BMAL2: variants seen among roughly 807,000 people sequenced by gnomAD.
BMAL2 encodes basic helix-loop-helix ARNT-like protein 2.
At chr12:27,342,357 G>A in the BMAL2 span, among the ~76,000 whole-genome samples, 3 of 152,190 alleles carry the variant, frequency 2.0e-5, no homozygotes, top group Non-Finnish European at 4.4e-5. Flanking sequence ...AGAATATAGC[G>A]AGAATATGTT....
At chr12:27,358,741 C>A in the BMAL2 span, among the ~76,000 whole-genome samples, 1 of 152,058 alleles carries the variant, frequency 6.6e-6, no homozygotes, top group African/African-American at 2.4e-5. Context: ...TATCTATGCA[C>A]TTATACATGC....
At chr12:27,410,427 G>A in the BMAL2 span, among the ~76,000 whole-genome samples, 1 of 152,202 alleles carries the variant, frequency 6.6e-6, no homozygotes, top group African/African-American at 2.4e-5. Flanking sequence ...AAAAAATGAT[G>A]AGTTCATGTC....
At chr12:27,378,824 G>A in the BMAL2 span, among the ~76,000 whole-genome samples, 4 of 152,162 alleles carry the variant, frequency 2.6e-5, no homozygotes, top group Admixed American at 2.6e-4. Context: ...TGATGACAGA[G>A]GGGATGGAGA....
chr12:27,406,770 A>G, the BMAL2 span, among the ~76,000 whole-genome samples: 1 of 152,228 alleles, frequency 6.6e-6, no homozygotes, highest in Non-Finnish European at 1.5e-5. Context: ...AATGGGCTAA[A>G]TGCTCCAATT....
At chr12:27,408,127 G>T in the BMAL2 span, among the ~76,000 whole-genome samples, 1 of 152,058 alleles carries the variant, frequency 6.6e-6, no homozygotes, top group African/African-American at 2.4e-5. Context: ...AAAAAGTCCA[G>T]GACCAGATGG....
chr12:27,339,451 A>G, the BMAL2 span, among the ~76,000 whole-genome samples: 2 of 152,210 alleles, frequency 1.3e-5, no homozygotes, highest in East Asian at 3.8e-4. Flanking sequence ...AACAATTTAT[A>G]TTCCTTTGGA....
the BMAL2 span, among the ~76,000 whole-genome samples, chr12:27,408,236 A>C: frequency 0.022 from 3,388 of 152,190 alleles, 122 homozygotes; most frequent in African/African-American, 0.077. Context: ...CTCCCTAACT[A>C]ATTTTATGAG....
the BMAL2 span, among the ~76,000 whole-genome samples, chr12:27,397,021 A>G: frequency 1.3e-5 from 2 of 152,140 alleles, no homozygotes; most frequent in South Asian, 4.1e-4. Context: ...TTCAAATAGT[A>G]ATTAACCAGT....
the BMAL2 span, among the ~76,000 whole-genome samples, chr12:27,356,357 A>G: frequency 2.6e-5 from 4 of 152,296 alleles, no homozygotes; most frequent in East Asian, 5.8e-4. Context: ...CTAGGTAACT[A>G]CATTAGCTTC....
the BMAL2 span, among the ~76,000 whole-genome samples, chr12:27,346,670 T>C: frequency 6.6e-6 from 1 of 152,224 alleles, no homozygotes; most frequent in Admixed American, 6.5e-5. Context: ...TCCCATAGTC[T>C]GCTGTCAGAC....
chr12:27,373,378 A>G, the BMAL2 span, among the ~76,000 whole-genome samples: 12 of 152,292 alleles, frequency 7.9e-5, no homozygotes, highest in Admixed American at 7.8e-4. Context: ...AGAATGGGAT[A>G]TTTATAGAAC....
the BMAL2 span, among the ~76,000 whole-genome samples, chr12:27,355,495 C>T: frequency 6.6e-6 from 1 of 152,170 alleles, no homozygotes; most frequent in African/African-American, 2.4e-5. Context: ...CCTTTTTCAG[C>T]TCCTTCTGTG....
chr12:27,380,425 C>T, the BMAL2 span: 1 of 1,613,010 alleles, frequency 6.2e-7, no homozygotes, highest in Non-Finnish European at 8.5e-7. Flanking sequence ...CGATGGCTTC[C>T]ACACTTCGAT....
At chr12:27,372,465 A>C in the BMAL2 span, among the ~76,000 whole-genome samples, 1 of 152,170 alleles carries the variant, frequency 6.6e-6, no homozygotes, top group Admixed American at 6.5e-5. Flanking sequence ...TACTATGAAC[A>C]TTGATGTACA....
At chr12:27,338,551 G>A in the BMAL2 span, among the ~76,000 whole-genome samples, 148 of 152,158 alleles carry the variant, frequency 9.7e-4, 1 homozygote, top group East Asian at 0.02. Flanking sequence ...GACATGCACA[G>A]AAGAATTGAT....
At chr12:27,352,567 T>C in the BMAL2 span, among the ~76,000 whole-genome samples, 182 of 11,866 alleles carry the variant, frequency 0.015, no homozygotes, top group African/African-American at 0.047. Context: ...CTCAACATAG[T>C]CCTGGGCAGT....
the BMAL2 span, chr12:27,401,777 G>T: frequency 2.7e-6 from 2 of 741,936 alleles, no homozygotes; most frequent in Non-Finnish European, 4.1e-6. Context: ...TGATCCTCTG[G>T]CCTTTTATTG....
At chr12:27,385,196 C>G in the BMAL2 span, among the ~76,000 whole-genome samples, 1 of 152,128 alleles carries the variant, frequency 6.6e-6, no homozygotes, top group East Asian at 1.9e-4. Flanking sequence ...CGCCTATAAT[C>G]CCAGCTATTC....
chr12:27,421,692 T>C, the BMAL2 span: 1 of 152,142 alleles, frequency 6.6e-6, no homozygotes, highest in East Asian at 1.9e-4. Context: ...GTTTTTGACA[T>C]TGGAAACATA....
Sources: gnomAD v4.1 joint callset for allele counts (sites outside exome capture counted in the v4.1 genomes callset) on GRCh38, gnomAD v4.1.1 for gene constraint, MANE v1.5 for transcripts, NCBI Gene and HGNC (gene_info 2026-07-23, HGNC 2026-07-21) for gene names.